The following ZNF81 variants were observed in gnomAD, a reference collection of about 807,000 sequenced individuals.
ZNF81 encodes zinc finger protein 81 (HFZ20).
In ZNF81, 5 loss-of-function variants were observed where a neutral mutation model predicts 32.3. That is an observed-to-expected ratio of 0.15 (90% CI 0.08 to 0.33). The LOEUF is 0.33. Ranked by LOEUF, ZNF81 falls within the 10% of genes least tolerant of loss-of-function variation. The probability of loss-of-function intolerance (pLI) is 1.00; values close to 1 mark genes in which losing one functional copy is unlikely to be tolerated. For missense variants in ZNF81, 379 were observed against 479.8 expected, an observed-to-expected ratio of 0.79 and a Z score of 1.96; for synonymous variants, 163 against 166.8, an observed-to-expected ratio of 0.98 and a Z score of 0.17.
chrX:47,904,777 A>C (rs1259390662), intron 4 of ZNF81, among the ~76,000 whole-genome samples: 1 of 111,985 alleles, frequency 8.9e-6, no homozygotes, highest in Non-Finnish European at 1.9e-5. Context: ...TGTTTATTGC[A>C]GCACTATTCA....
chrX:47,850,267 C>G (rs1007228262), intron 2 of ZNF81, among the ~76,000 whole-genome samples: 4 of 105,723 alleles, frequency 3.8e-5, no homozygotes, highest in Admixed American at 2.1e-4. Flanking sequence ...AATCCCAACA[C>G]TTTGAGAAGC....
At chrX:47,842,840 G>C (rs1171413887) in intron 1 of ZNF81, 1 of 111,631 alleles carries the variant, frequency 9.0e-6, no homozygotes, top group Non-Finnish European at 1.9e-5. Context: ...TGGCCAAGCT[G>C]GTCTTGAACT....
chrX:47,850,026 G>T (rs1463565634), intron 2 of ZNF81, among the ~76,000 whole-genome samples: 1 of 111,899 alleles, frequency 8.9e-6, no homozygotes, highest in Non-Finnish European at 1.9e-5. Flanking sequence ...CTGCTCATGA[G>T]AATGTAAATT....
intron 1 of ZNF81, among the ~76,000 whole-genome samples, chrX:47,839,865 C>G (rs181526420): frequency 1.9e-3 from 210 of 111,237 alleles, no homozygotes; most frequent in African/African-American, 5.6e-3. Flanking sequence ...ACATGTGGCT[C>G]CGGACAGCTT....
chrX:47,848,551 G>A (rs1230330733), intron 2 of ZNF81, among the ~76,000 whole-genome samples: 1 of 111,241 alleles, frequency 9.0e-6, no homozygotes, highest in East Asian at 2.8e-4. Flanking sequence ...AAAGACATTA[G>A]TAGTAGTTTT....
At chrX:47,843,608 G>A (rs112063245) in intron 1 of ZNF81, among the ~76,000 whole-genome samples, 1 of 111,234 alleles carries the variant, frequency 9.0e-6, no homozygotes, top group African/African-American at 3.3e-5. Flanking sequence ...CTGCATCTTC[G>A]ACTTCCCAGG....
chrX:47,837,763 A>C (rs954645965), intron 1 of ZNF81, among the ~76,000 whole-genome samples: 1 of 112,183 alleles, frequency 8.9e-6, no homozygotes, highest in Admixed American at 9.4e-5. Context: ...CTTGAATTGG[A>C]TAGAGTGATT....
chrX:47,853,760 G>A (rs1202101136), intron 2 of ZNF81, among the ~76,000 whole-genome samples: 2 of 110,123 alleles, frequency 1.8e-5, no homozygotes, highest in East Asian at 2.9e-4. Context: ...CTGTTGCCAG[G>A]ACTGATCTCA....
At chrX:47,909,155 T>C (rs2058730457) in intron 4 of ZNF81, among the ~76,000 whole-genome samples, 1 of 112,089 alleles carries the variant, frequency 8.9e-6, no homozygotes, top group African/African-American at 3.2e-5. Context: ...CTCAGGTATG[T>C]TTATATAGAA....
chrX:47,897,504 T>C (rs1242727374), intron 4 of ZNF81, among the ~76,000 whole-genome samples: 1 of 112,190 alleles, frequency 8.9e-6, no homozygotes, highest in African/African-American at 3.2e-5. Context: ...AATCTGTGGC[T>C]TGAAATTTCA....
intron 1 of ZNF81, among the ~76,000 whole-genome samples, chrX:47,839,163 AAG>A (rs1203251554): frequency 1.8e-5 from 2 of 111,566 alleles, no homozygotes; most frequent in African/African-American, 6.5e-5. Context: ...TGTTTTCTGG[AAG>A]AGACTGTGTA....
chrX:47,860,850 A>G (rs1368003541), intron 2 of ZNF81: 3 of 110,987 alleles, frequency 2.7e-5, no homozygotes, highest in Non-Finnish European at 3.8e-5. Context: ...ACCTTGCCCT[A>G]TGTATGTGGA....
Position 47,848,147 on chromosome X carries a change from C to A in ZNF81, c.54+1826C>A, listed in dbSNP as rs189990781. On this transcript the variant is annotated intron_variant, in intron 2 of 4. Transcript: ENST00000338637. ...AGCCAGGATGGTCTCGATCTCCTGA[C>A]CTCGTGATCTGCCCGCCTCGGCCTC... Among the ~76,000 whole-genome samples the A allele has an allele frequency of 9.8e-3, 1,087 of 110,980 alleles. 17 individuals are homozygous for A. Among genetic ancestry groups the A allele is most frequent in the African/African-American group, 0.034 (1,036 of 30,565 alleles).
intron 2 of ZNF81, among the ~76,000 whole-genome samples, chrX:47,871,280 T>G (rs2058579380): frequency 8.9e-6 from 1 of 112,126 alleles, no homozygotes; most frequent in Non-Finnish European, 1.9e-5. Context: ...TCCCCTATTA[T>G]ATGACAGACA....
chrX:47,908,897 C>T (rs1831937385), intron 4 of ZNF81, among the ~76,000 whole-genome samples: 1 of 111,588 alleles, frequency 9.0e-6, no homozygotes, highest in African/African-American at 3.3e-5. Flanking sequence ...ATGGTGGTTA[C>T]CGCTGAGAGT....
In ZNF81 at chrX:47,846,092, A is replaced by G; in HGVS notation, c.-163-13A>G. On this transcript the variant is annotated splice_polypyrimidine_tract_variant and intron_variant, in intron 1 of 4. Transcript: ENST00000338637. ...GCTATCTGCCTCTGATCATATGGAC[A>G]CTGTCTTTCCAGAGTTCTTGGAGTC... 1 of 546,226 alleles carries G rather than the reference A, an allele frequency of 1.8e-6. No individual in the cohort carries two copies. The highest frequency in any genetic ancestry group is 2.2e-5 in the African/African-American group (1 of 44,505). The allele number at this position is 546,226 out of a possible 1,213,427, so 45.0% of individuals were successfully genotyped here.
intron 2 of ZNF81, among the ~76,000 whole-genome samples, chrX:47,866,232 A>G (rs1311194578): frequency 8.9e-6 from 1 of 112,142 alleles, no homozygotes; most frequent in Non-Finnish European, 1.9e-5. Flanking sequence ...ATAAAAGACC[A>G]TTACTCAGAG....
At chrX:47,883,585 T>A (rs139806526) in intron 2 of ZNF81, among the ~76,000 whole-genome samples, 1,933 of 112,384 alleles carry the variant, frequency 0.017, 19 homozygotes, top group Middle Eastern at 0.083. Flanking sequence ...TAACTTTTTC[T>A]ATGATTTGTT....
Position 47,924,178 on chromosome X carries a change from G to A in ZNF81, c.*7546G>A, listed in dbSNP as rs1273108803. Among the ~76,000 whole-genome samples, 1 of 112,055 alleles carries A rather than the reference G, an allele frequency of 8.9e-6. No homozygotes were observed. The highest frequency in any genetic ancestry group is 1.9e-5 in the Non-Finnish European group (1 of 53,224). On this transcript the variant is annotated 3_prime_UTR_variant, in exon 5 of 5. Transcript: ENST00000338637. ...TTCCCCAGCTACCTCTATAAATTGT[G>A]CATGCATCCCTTATTCCATAATGCT...
Sources: gnomAD v4.1 joint callset for allele counts (sites outside exome capture counted in the v4.1 genomes callset) on GRCh38, gnomAD v4.1.1 for gene constraint, MANE v1.5 for transcripts, NCBI Gene and HGNC (gene_info 2026-07-23, HGNC 2026-07-21) for gene names.